The following DHRS7C variants were observed in gnomAD, a reference collection of about 807,000 sequenced individuals.
DHRS7C encodes dehydrogenase/reductase SDR family member 7C.
DHRS7C carries 28 observed loss-of-function variants against 29.6 expected under a neutral mutation model. That is an observed-to-expected ratio of 0.95 (90% CI 0.70 to 1.30). The LOEUF is 1.30. Ranked by LOEUF, DHRS7C falls within the 50% of genes most tolerant of loss-of-function variation. The pLI is 0.00. For missense variants in DHRS7C, 403 were observed against 393.3 expected, an observed-to-expected ratio of 1.02 and a Z score of -0.21; for synonymous variants, 158 against 160.2, an observed-to-expected ratio of 0.99 and a Z score of 0.10.
intron 1 of DHRS7C, among the ~76,000 whole-genome samples, chr17:9,787,090 C>T (rs1356071859): frequency 1.3e-5 from 2 of 152,098 alleles, no homozygotes; most frequent in South Asian, 2.1e-4. Flanking sequence ...GGATTACAGG[C>T]GTCCACCATC....
chr17:9,782,433 C>G (rs145352119), intron 1 of DHRS7C, among the ~76,000 whole-genome samples: 3 of 152,222 alleles, frequency 2.0e-5, no homozygotes, highest in Non-Finnish European at 4.4e-5. Context: ...GATGTGGTCT[C>G]AGGAAAGTCT....
rs2066329277 is a variant in DHRS7C, at chr17:9,771,661, C to T, written c.763G>A (p.Val255Ile). Residue 255 changes from valine to isoleucine, a missense_variant, in exon 6 of 6, where the codon GTA becomes ATA. Physicochemically the swap from Val to Ile is conservative, Grantham distance 29. Coordinates refer to ENST00000571134, the MANE Select transcript of DHRS7C (RefSeq NM_001105571.3). ...FRKLTYGVHP[V>I]EVAEEVMRTV... ...CGCATCACCTCCTCCGCCACCTCTA[C>T]TGGGTGCACGCCGTAGGTCAGCTTC... The T allele has an allele frequency of 1.9e-6, 3 of 1,573,918 alleles. No individual in the cohort carries two copies. The African/African-American group carries it at 4.1e-5, about 21-fold the overall frequency.
At chr17:9,791,050 C>G in intron 1 of DHRS7C, 81 bp downstream of exon 1, 1 of 1,496,242 alleles carries the variant, frequency 6.7e-7, no homozygotes, top group Non-Finnish European at 9.0e-7. Context: ...GCCCACACAG[C>G]GCCCTGCCGC....
rs2066359168 is a variant in DHRS7C, at chr17:9,775,855, A to G, written c.571+1338T>C. The stretch of plus-strand genomic sequence containing the variant: ...TATTTAAAGAGGTGATTAATATAAA[A>G]TGAGGGCATTAGGCTGCGTCCTACT... On this transcript the variant is annotated intron_variant, in intron 4 of 5. Coordinates refer to ENST00000571134, the MANE Select transcript of DHRS7C (RefSeq NM_001105571.3). The surrounding 1 kb of genome is among the most constrained non-coding windows in gnomAD (Gnocchi z 4.2). 3.3e-5 allele frequency among the ~76,000 whole-genome samples: 5 copies of G among 152,234 alleles called. No individual in the cohort carries two copies. In the South Asian group the frequency reaches 8.3e-4, roughly 25 times the overall value.
At chr17:9,777,348 CAGA>C in intron 3 of DHRS7C, 63 bp from the exon 4 acceptor site, 1 of 1,430,758 alleles carries the variant, frequency 7.0e-7, no homozygotes, top group Non-Finnish European at 9.7e-7. Flanking sequence ...CAGCAGCAGG[CAGA>C]CCCCTGCCCC....
intron 2 of DHRS7C, 41 bp downstream of exon 2, chr17:9,781,441 G>C (rs571930053): frequency 6.1e-5 from 97 of 1,584,190 alleles, no homozygotes; most frequent in Non-Finnish European, 8.2e-5. Flanking sequence ...GAGGCTGGGA[G>C]TTCCCAGGAG....
In DHRS7C at chr17:9,775,922, C is replaced by T. The variant is rs1475519328; in HGVS notation, c.571+1271G>A. ...TATTGTAAGAAGAGGAAATTTGGGGCCGGGCATGGTGGCTCACGCCTGTAA... is the reference window on the plus strand; with the variant it reads ...TATTGTAAGAAGAGGAAATTTGGGGTCGGGCATGGTGGCTCACGCCTGTAA... On this transcript the variant is annotated intron_variant, in intron 4 of 5. Coordinates refer to ENST00000571134, the MANE Select transcript of DHRS7C (RefSeq NM_001105571.3). This position sits in a 1 kb window ranked among gnomAD's most constrained non-coding sequence, Gnocchi z 4.2. 6.6e-6 allele frequency among the ~76,000 whole-genome samples: 1 copy of T among 152,162 alleles called. No homozygotes were observed. Among genetic ancestry groups the T allele is most frequent in the Admixed American group, 6.5e-5 (1 of 15,284 alleles).
chr17:9,782,096 C>G (rs2066396406), intron 1 of DHRS7C, among the ~76,000 whole-genome samples: 1 of 152,070 alleles, frequency 6.6e-6, no homozygotes, highest in Non-Finnish European at 1.5e-5. Context: ...CCTGACTCAC[C>G]CAATATAGCA....
At chr17:9,779,275 G>T (rs765227028) in intron 3 of DHRS7C, among the ~76,000 whole-genome samples, 6 of 152,132 alleles carry the variant, frequency 3.9e-5, no homozygotes, top group Non-Finnish European at 8.8e-5. Context: ...ACAGGTTCAC[G>T]TAGGAATCAC....
At position 9,773,586 on chromosome 17, in the gene DHRS7C, A is replaced by C. The variant is rs1050790710; in HGVS notation, c.572-664T>G. Among the ~76,000 whole-genome samples the C allele has an allele frequency of 1.1e-4, 16 of 152,252 alleles. No homozygotes were observed. In the East Asian group the frequency reaches 2.9e-3, roughly 28 times the overall value. On this transcript the variant is annotated intron_variant, in intron 4 of 5. Coordinates refer to ENST00000571134, the MANE Select transcript of DHRS7C (RefSeq NM_001105571.3). ...CCCAACTTCACATTTTAGGGGTGTCAGTCAGAGGCAGAAGGGGCAGAAGGT... is the reference window on the plus strand; with the variant it reads ...CCCAACTTCACATTTTAGGGGTGTCCGTCAGAGGCAGAAGGGGCAGAAGGT...
At position 9,779,980 on chromosome 17, in the gene DHRS7C, T is replaced by C. The variant is rs1567701848; in HGVS notation, c.323A>G (p.Asp108Gly). Residue 108 changes from aspartate (D) to glycine (G), a missense_variant, in exon 3 of 6, where the codon GAT becomes GGT. Transcript: ENST00000571134. ...GCAATCCAGGACTTCTTTTGCCACA[T>C]CTGGGACACAGCTGATGTCTGAGAG... ...LDLSDISCVPDVAKEVLDCYG... is the reference protein window; with the variant it reads ...LDLSDISCVPGVAKEVLDCYG... The C allele has an allele frequency of 1.2e-6, 2 of 1,613,902 alleles. No homozygotes were observed. Among genetic ancestry groups the C allele is most frequent in the South Asian group, 1.1e-5 (1 of 91,036 alleles).
intron 5 of DHRS7C, 49 bp from the exon 6 acceptor site, chr17:9,771,745 G>C: frequency 7.3e-7 from 1 of 1,362,406 alleles, no homozygotes; most frequent in Non-Finnish European, 9.5e-7. Context: ...GTGGGGACCC[G>C]GCTGGTCAGA....
intron 5 of DHRS7C, among the ~76,000 whole-genome samples, chr17:9,772,300 A>G (rs1048641625): frequency 2.0e-5 from 3 of 152,174 alleles, no homozygotes; most frequent in Non-Finnish European, 2.9e-5. Context: ...AGCAATACCT[A>G]TCTCTTAGGG....
At chr17:9,777,904 A>G (rs2066371354) in intron 3 of DHRS7C, among the ~76,000 whole-genome samples, 1 of 152,214 alleles carries the variant, frequency 6.6e-6, no homozygotes, top group Non-Finnish European at 1.5e-5. Context: ...AGAATGAAAG[A>G]GTTTTTAAAT....
chr17:9,779,797 A>G (rs1442946803), intron 3 of DHRS7C, 28 bp downstream of exon 3: 1 of 1,593,798 alleles, frequency 6.3e-7, no homozygotes, highest in Admixed American at 1.7e-5. Context: ...TGGCCCAGAT[A>G]CCCATGGGAA....
intron 1 of DHRS7C, among the ~76,000 whole-genome samples, chr17:9,786,550 C>T (rs1451614133): frequency 6.6e-6 from 1 of 151,954 alleles, no homozygotes; most frequent in African/African-American, 2.4e-5. Context: ...CACAGGATGT[C>T]CCCAAGCACG....
intron 1 of DHRS7C, among the ~76,000 whole-genome samples, chr17:9,784,404 G>A (rs781520392): frequency 7.9e-5 from 12 of 151,976 alleles, no homozygotes; most frequent in Non-Finnish European, 1.5e-4. Flanking sequence ...CCCAGGAGGC[G>A]GAGCTTGCAG....
In DHRS7C at chr17:9,774,283, TTTTTG is replaced by T. The variant is rs376824833; in HGVS notation, c.572-1366_572-1362del. Among the ~76,000 whole-genome samples, 2 of 151,894 alleles carry T rather than the reference TTTTTG, an allele frequency of 1.3e-5. No homozygotes were observed. The highest frequency in any genetic ancestry group is 1.5e-5 in the Non-Finnish European group (1 of 67,964). On this transcript the variant is annotated intron_variant, in intron 4 of 5. Transcript: ENST00000571134. This position sits in a 1 kb window ranked among gnomAD's most constrained non-coding sequence, Gnocchi z 5.0. ...GGACAGGTAACTTTCCATGTGGTGT[TTTTTG>T]TTTTGTTTTGTTTTGAGAGGGAGTC...
At chr17:9,780,136 G>C in intron 2 of DHRS7C, 101 bp from the exon 3 acceptor site, 2 of 915,796 alleles carry the variant, frequency 2.2e-6, no homozygotes, top group South Asian at 2.0e-5. Context: ...GAAATTCAAA[G>C]ATAATGAAAT....
Sources: allele counts gnomAD v4.1 joint callset (sites outside exome capture counted in the v4.1 genomes callset), GRCh38; gene constraint gnomAD v4.1.1; non-coding constraint Gnocchi (gnomAD v3.1); transcripts MANE v1.5; gene names NCBI Gene and HGNC (gene_info 2026-07-23, HGNC 2026-07-21).